PARD6G: variants seen among roughly 807,000 people sequenced by gnomAD.
The protein encoded by PARD6G is partitioning defective 6 homolog gamma.
A neutral mutation model predicts 10.7 loss-of-function variants in PARD6G; 7 were observed. The ratio of observed to expected loss-of-function variants is 0.66; its 90% confidence interval spans 0.37 to 1.23. PARD6G has a LOEUF of 1.23. PARD6G is among the 50% of genes most tolerant of loss of function. The probability of loss-of-function intolerance (pLI) is 0.02; values close to 1 mark genes in which losing one functional copy is unlikely to be tolerated. For missense variants in PARD6G, 548 were observed against 571.8 expected (o/e 0.96, Z 0.42); for synonymous variants, 287 against 269.4 (o/e 1.07, Z -0.64).
At chr18:80,212,614 G>C (rs1269589505) in intron 1 of PARD6G, among the ~76,000 whole-genome samples, 1 of 152,140 alleles carries the variant, frequency 6.6e-6, no homozygotes, top group African/African-American at 2.4e-5. Flanking sequence ...GGCCGGGTGT[G>C]GTGGCTCAAG....
At chr18:80,234,909 G>A (rs1270800696) in intron 1 of PARD6G, among the ~76,000 whole-genome samples, 2 of 151,900 alleles carry the variant, frequency 1.3e-5, no homozygotes, top group East Asian at 3.9e-4. Context: ...AATAATAATG[G>A]GAGACTTTAA....
chr18:80,195,544 G>GATAT (rs1235414160), intron 2 of PARD6G, among the ~76,000 whole-genome samples: 1 of 23,684 alleles, frequency 4.2e-5, no homozygotes, highest in Non-Finnish European at 8.9e-5. Context: ...AGTCTTCAAA[G>GATAT]ATACATATAT....
intron 2 of PARD6G, among the ~76,000 whole-genome samples, chr18:80,164,275 C>G (rs778346375): frequency 1.1e-4 from 16 of 152,068 alleles, no homozygotes; most frequent in Non-Finnish European, 1.9e-4. Context: ...CTTGAGTGGG[C>G]CTCTCCTCCC....
rs1409931628 is a variant in PARD6G at position 80,175,163 on chromosome 18, T to G, written c.296-14557A>C. On this transcript the variant is annotated intron_variant, in intron 2 of 2. Coordinates refer to ENST00000353265, the MANE Select transcript of PARD6G (RefSeq NM_032510.4). This position sits in a 1 kb window ranked among gnomAD's most constrained non-coding sequence, Gnocchi z 6.7. ...TCTAGTACACACTTCCCCAGACTAT[T>G]TAGTGCAACTAACACATGCTAGATG... Among the ~76,000 whole-genome samples, 1 of 152,206 alleles carries G rather than the reference T, an allele frequency of 6.6e-6. No individual in the cohort carries two copies.
chr18:80,172,060 TA>T (rs2052780860), intron 2 of PARD6G, among the ~76,000 whole-genome samples: 1 of 152,236 alleles, frequency 6.6e-6, no homozygotes, highest in African/African-American at 2.4e-5. Flanking sequence ...GATATACACC[TA>T]GGGGTGGAAT....
At position 80,157,892 on chromosome 18, in the gene PARD6G, A is replaced by G. The variant is rs1295610402; in HGVS notation, c.*1879T>C. The G allele has an allele frequency of 6.6e-6, 1 of 152,388 alleles. No individual in the cohort carries two copies. The allele number at this position is 152,388 out of a possible 1,614,324, so 9.4% of individuals were successfully genotyped here. A position where few individuals can be genotyped will look rare whatever the true frequency, so the allele number is the denominator to read the frequency against. On this transcript the variant is annotated 3_prime_UTR_variant, in exon 3 of 3. Coordinates refer to ENST00000353265, the MANE Select transcript of PARD6G (RefSeq NM_032510.4). ...TGCAGTTTTCCCTCTTAGCAGTTCC[A>G]TGTTCACGAAGTCAGGACAGTTCTG...
intron 2 of PARD6G, among the ~76,000 whole-genome samples, chr18:80,198,394 ACTTTT>A (rs1966977480): frequency 6.6e-6 from 1 of 152,256 alleles, no homozygotes; most frequent in Admixed American, 6.5e-5. Flanking sequence ...GTGACAGATT[ACTTTT>A]CTTATTCATG....
intron 2 of PARD6G, among the ~76,000 whole-genome samples, chr18:80,195,505 G>A (rs1014117696): frequency 7.8e-5 from 10 of 128,716 alleles, no homozygotes; most frequent in African/African-American, 2.5e-4. Flanking sequence ...AAAATTCAAA[G>A]ATCAGGAGTT....
At chr18:80,235,073 C>T (rs1445065318) in intron 1 of PARD6G, among the ~76,000 whole-genome samples, 16 of 152,270 alleles carry the variant, frequency 1.1e-4, no homozygotes, top group African/African-American at 3.6e-4. Flanking sequence ...CACCACCACA[C>T]CACACCTATT....
Position 80,180,323 on chromosome 18 carries a change from G to A in PARD6G, c.296-19717C>T, listed in dbSNP as rs1292224227. ...GAGAGGCAGGCAGGGCGTGGGCAGC[G>A]ACAGCTGGGGCCGGCAGGTGAGGAC... On this transcript the variant is annotated intron_variant, in intron 2 of 2. Transcript: ENST00000353265. This position sits in a 1 kb window ranked among gnomAD's most constrained non-coding sequence, Gnocchi z 5.6. Among the ~76,000 whole-genome samples the A allele has an allele frequency of 6.6e-6, 1 of 152,192 alleles. No individual in the cohort carries two copies. The highest frequency in any genetic ancestry group is 1.5e-5 in the Non-Finnish European group (1 of 68,024).
chr18:80,173,323 G>T (rs1450700334), intron 2 of PARD6G, among the ~76,000 whole-genome samples: 1 of 152,088 alleles, frequency 6.6e-6, no homozygotes, highest in Non-Finnish European at 1.5e-5. Context: ...AACCCAACCT[G>T]CTTGGAAAGG....
intron 2 of PARD6G, among the ~76,000 whole-genome samples, chr18:80,172,196 TTCTG>T (rs1026271123): frequency 2.0e-5 from 3 of 152,330 alleles, no homozygotes; most frequent in South Asian, 4.1e-4. Flanking sequence ...CAATACTTGT[TTCTG>T]TCTGTCATTA....
intron 2 of PARD6G, chr18:80,170,001 C>T (rs531828404): frequency 6.6e-6 from 1 of 152,402 alleles, no homozygotes; most frequent in African/African-American, 2.4e-5. Flanking sequence ...TCGGAGACTT[C>T]AGCTGCCAGA....
intron 2 of PARD6G, chr18:80,176,004 G>C (rs760499384): frequency 6.0e-6 from 1 of 167,406 alleles, no homozygotes; most frequent in South Asian, 2.1e-4. Context: ...TGAGGAGGTG[G>C]CTTCCAAAAG....
chr18:80,194,931 G>A (rs1039357562), intron 2 of PARD6G, among the ~76,000 whole-genome samples: 3 of 152,154 alleles, frequency 2.0e-5, no homozygotes, highest in Non-Finnish European at 2.9e-5. Context: ...CTCCTGGGCC[G>A]ACTGCTAGAG....
intron 2 of PARD6G, chr18:80,178,267 ACTC>A (rs1599851152): frequency 6.5e-6 from 1 of 154,444 alleles, no homozygotes; most frequent in Non-Finnish European, 1.5e-5. Flanking sequence ...AACAGGTCTG[ACTC>A]CTCAAGGAGA....
At chr18:80,177,218 G>GCACACACACA (rs35217634) in intron 2 of PARD6G, among the ~76,000 whole-genome samples, 8,041 of 98,734 alleles carry the variant, frequency 0.081, 706 homozygotes, top group African/African-American at 0.16. Context: ...AATGGGAAGC[G>GCACACACACA]CACACACACA....
intron 2 of PARD6G, among the ~76,000 whole-genome samples, chr18:80,166,078 CA>C (rs942991591): frequency 1.1e-3 from 169 of 147,722 alleles, no homozygotes; most frequent in Non-Finnish European, 2.0e-3. Context: ...AACTCCATCT[CA>C]AAAAAAAAAA....
chr18:80,191,597 C>G (rs1966899151), intron 2 of PARD6G, among the ~76,000 whole-genome samples: 2 of 152,178 alleles, frequency 1.3e-5, no homozygotes, highest in South Asian at 4.1e-4. Flanking sequence ...TTTATCTGCT[C>G]ACAAGAAATT....
Sources: allele counts gnomAD v4.1 joint callset (sites outside exome capture counted in the v4.1 genomes callset), GRCh38; gene constraint gnomAD v4.1.1; non-coding constraint Gnocchi (gnomAD v3.1); transcripts MANE v1.5; gene names NCBI Gene and HGNC (gene_info 2026-07-23, HGNC 2026-07-21).